The following HIVEP2 variants were observed in gnomAD, a reference collection of about 807,000 sequenced individuals.
The protein encoded by HIVEP2 is transcription factor HIVEP2.
HIVEP2 carries 14 observed loss-of-function variants against 180.7 expected under a neutral mutation model. The observed-to-expected ratio is 0.08, with a 90% CI of 0.05 to 0.12. The LOEUF (loss-of-function observed/expected upper bound fraction) is 0.12, where lower values mean the gene tolerates loss of function less well. Ranked by LOEUF, HIVEP2 falls within the 10% of genes least tolerant of loss-of-function variation. The pLI is 1.00. For missense variants in HIVEP2, 2,579 were observed against 3,008.5 expected, an observed-to-expected ratio of 0.86 and a Z score of 3.34; for synonymous variants, 1,184 against 1,136.4, an observed-to-expected ratio of 1.04 and a Z score of -0.84.
chr6:142,835,406 A>T (rs1344971676), intron 2 of HIVEP2, among the ~76,000 whole-genome samples: 1 of 152,122 alleles, frequency 6.6e-6, no homozygotes, highest in Non-Finnish European at 1.5e-5. Flanking sequence ...GTCACTTAAC[A>T]CTTAGGATAC....
intron 7 of HIVEP2, among the ~76,000 whole-genome samples, chr6:142,763,118 C>T (rs893259773): frequency 2.0e-5 from 3 of 152,134 alleles, no homozygotes; most frequent in African/African-American, 7.2e-5. Context: ...CTCTCCATTC[C>T]AAGGATAGTC....
At chr6:142,796,528 T>G (rs1377152301) in intron 2 of HIVEP2, among the ~76,000 whole-genome samples, 2 of 152,124 alleles carry the variant, frequency 1.3e-5, no homozygotes, top group African/African-American at 4.8e-5. Context: ...TGTACTGTAT[T>G]TATTGATCCC....
At chr6:142,872,184 A>T (rs1776306306) in intron 1 of HIVEP2, among the ~76,000 whole-genome samples, 1 of 152,206 alleles carries the variant, frequency 6.6e-6, no homozygotes, top group Non-Finnish European at 1.5e-5. Flanking sequence ...TAGTTGGGGA[A>T]ATCATTTCTA....
At chr6:142,874,895 T>C (rs1776390995) in intron 1 of HIVEP2, among the ~76,000 whole-genome samples, 1 of 152,118 alleles carries the variant, frequency 6.6e-6, no homozygotes, top group African/African-American at 2.4e-5. Context: ...GAAGCTAGGC[T>C]CAAAGTGGTG....
chr6:142,828,677 G>A (rs1013058276), intron 2 of HIVEP2, among the ~76,000 whole-genome samples: 2 of 152,014 alleles, frequency 1.3e-5, no homozygotes, highest in African/African-American at 2.4e-5. Flanking sequence ...TGATCCACCC[G>A]CCTCGGCCTC....
Position 142,891,615 on chromosome 6 carries a change from T to A in HIVEP2, c.-641+53484A>T, listed in dbSNP as rs1293878279. Among the ~76,000 whole-genome samples the A allele has an allele frequency of 2.6e-5, 4 of 152,068 alleles. No individual in the cohort carries two copies. In the East Asian group the frequency reaches 7.7e-4, roughly 29 times the overall value. ...ATGATCTGTGCACCTGGGCTATGGA[T>A]CGAGATCTACTATCACCCAGTTGAG... On this transcript the variant is annotated intron_variant, in intron 1 of 9. Coordinates refer to ENST00000367603, the MANE Select transcript of HIVEP2 (RefSeq NM_006734.4).
At chr6:142,875,819 C>A (rs1776420388) in intron 1 of HIVEP2, among the ~76,000 whole-genome samples, 1 of 152,150 alleles carries the variant, frequency 6.6e-6, no homozygotes, top group South Asian at 2.1e-4. Flanking sequence ...CCTATTTCAA[C>A]TTTGATATGT....
intron 2 of HIVEP2, among the ~76,000 whole-genome samples, chr6:142,793,681 C>CCT (rs1776212223): frequency 8.0e-6 from 1 of 125,566 alleles, no homozygotes; most frequent in Non-Finnish European, 1.7e-5. Flanking sequence ...CTTTCTCTCT[C>CCT]TCTCTCTCTC....
Position 142,760,439 on chromosome 6 carries a change from A to C in HIVEP2, c.5849T>G (p.Val1950Gly). The C allele has an allele frequency of 6.2e-7, 1 of 1,614,178 alleles. No individual in the cohort carries two copies. Among genetic ancestry groups the C allele is most frequent in the Non-Finnish European group, 8.5e-7 (1 of 1,180,032 alleles). The change falls in exon 9 of 10, where the codon GTT becomes GGT. Residue 1950 changes from valine (V) to glycine (G), a missense_variant. Transcript: ENST00000367603. ...PPRFSSLPVN[V>G]GAVPHGVPSD... ...AGGAACCCCGTGGGGTACGGCGCCA[A>C]CATTCACAGGCAAGGAGGAGAATCT... is the stretch of plus-strand genomic sequence containing the variant.
chr6:142,783,937 A>G (rs1198875077), intron 2 of HIVEP2, among the ~76,000 whole-genome samples: 1 of 152,216 alleles, frequency 6.6e-6, no homozygotes, highest in East Asian at 1.9e-4. Context: ...TGAGATTTCT[A>G]CAGAACTTCT....
At chr6:142,849,327 C>T (rs970023057) in intron 1 of HIVEP2, among the ~76,000 whole-genome samples, 5 of 152,038 alleles carry the variant, frequency 3.3e-5, no homozygotes, top group African/African-American at 9.7e-5. Context: ...AAGAGGAAAA[C>T]CAAGCTGAAA....
At chr6:142,790,855 G>A (rs982341250) in intron 2 of HIVEP2, among the ~76,000 whole-genome samples, 6 of 152,182 alleles carry the variant, frequency 3.9e-5, no homozygotes, top group African/African-American at 1.4e-4. Context: ...TGAAAGCACA[G>A]CTGAAAATAT....
intron 2 of HIVEP2, among the ~76,000 whole-genome samples, chr6:142,825,057 T>C: frequency 6.6e-6 from 1 of 152,176 alleles, no homozygotes; most frequent in South Asian, 2.1e-4. Flanking sequence ...TGTAGCAAGT[T>C]TTTTTCTTCC....
chr6:142,848,896 C>T (rs1473132657), intron 1 of HIVEP2, among the ~76,000 whole-genome samples: 1 of 152,176 alleles, frequency 6.6e-6, no homozygotes, highest in Non-Finnish European at 1.5e-5. Flanking sequence ...GAACTAGAGG[C>T]TTCTCTTCAC....
Position 142,835,415 on chromosome 6 carries a change from A to T in HIVEP2, c.-528+1520T>A, listed in dbSNP as rs573999633. The stretch of plus-strand genomic sequence containing the variant: ...TTAAATGTCACTTAACACTTAGGAT[A>T]CTTTGGAAATAACTGTAAAAGCCAA... On this transcript the variant is annotated intron_variant, in intron 2 of 9. Transcript: ENST00000367603. Among the ~76,000 whole-genome samples the T allele has an allele frequency of 3.9e-5, 6 of 152,334 alleles. No individual in the cohort carries two copies. The East Asian group carries it at 1.2e-3, about 29-fold the overall frequency.
chr6:142,871,731 G>A (rs1349708006), intron 1 of HIVEP2, among the ~76,000 whole-genome samples: 1 of 151,982 alleles, frequency 6.6e-6, no homozygotes, highest in African/African-American at 2.4e-5. Context: ...ACTAGCCACT[G>A]CAGGCAGTTA....
At position 142,774,867 on chromosome 6, in the gene HIVEP2, C is replaced by A; in HGVS notation, c.-129G>T. 2 of 1,511,310 alleles carry A rather than the reference C, an allele frequency of 1.3e-6. No individual in the cohort carries two copies. Among genetic ancestry groups the A allele is most frequent in the East Asian group, 4.5e-5 (2 of 44,210 alleles). 93.6% of individuals were successfully genotyped at this position (1,511,310 alleles called of 1,614,324 possible). A position where few individuals can be genotyped will look rare whatever the true frequency, so the allele number is the denominator to read the frequency against. On this transcript the variant is annotated 5_prime_UTR_variant, in exon 5 of 10. Coordinates refer to ENST00000367603, the MANE Select transcript of HIVEP2 (RefSeq NM_006734.4). The surrounding 1 kb of genome is among the most constrained non-coding windows in gnomAD (Gnocchi z 5.1). ...AGGGTGTCTGCAAACTTGCTGATTG[C>A]TCCTTCTCTTTGGAACCTTCCACAC...
rs1352344809 is a variant in HIVEP2 at position 142,771,102 on chromosome 6, C to T, written c.3637G>A (p.Val1213Ile). ...TGAGCTGGTAAATGAACCATACAAA[C>T]TGTAGGATACTGAAACTGAAACAAG... ...NALFQFQYPT[V>I]CMVHLPAQQP... is the part of the protein sequence containing the mutation. Residue 1213 changes from valine to isoleucine, a missense_variant, in exon 5 of 10, where the codon GTT (valine) becomes ATT (isoleucine). Around this residue, in one of 11 missense-constraint regions of HIVEP2, gnomAD observed 523 missense variants for 577.0 expected, o/e 0.91. Coordinates refer to ENST00000367603, the MANE Select transcript of HIVEP2 (RefSeq NM_006734.4). The surrounding 1 kb of genome is among the most constrained non-coding windows in gnomAD (Gnocchi z 5.4). 1 of 1,614,158 alleles carries T rather than the reference C, an allele frequency of 6.2e-7. No individual in the cohort carries two copies. The highest frequency in any genetic ancestry group is 1.1e-5 in the South Asian group (1 of 91,082).
At position 142,914,402 on chromosome 6, in the gene HIVEP2, C is replaced by T. The variant is rs530057283; in HGVS notation, c.-641+30697G>A. 8.6e-5 allele frequency among the ~76,000 whole-genome samples: 13 copies of T among 152,042 alleles called. No homozygotes were observed. The East Asian group carries it at 1.9e-3, about 23-fold the overall frequency. Reference sequence around the variant, plus strand: ...ATTTGGAGCCTACTTTATAAAGTATCGATAAAGATTAAATTAGTTAATTTA... The same window carrying T: ...ATTTGGAGCCTACTTTATAAAGTATTGATAAAGATTAAATTAGTTAATTTA... On this transcript the variant is annotated intron_variant, in intron 1 of 9. Transcript: ENST00000367603.
Sources: gnomAD v4.1 joint callset for allele counts (sites outside exome capture counted in the v4.1 genomes callset) on GRCh38, gnomAD v4.1.1 for gene constraint, gnomAD v4.1.1 regional missense constraint, Gnocchi (gnomAD v3.1) non-coding constraint, MANE v1.5 for transcripts, NCBI Gene and HGNC (gene_info 2026-07-23, HGNC 2026-07-21) for gene names.